ZNF461: variants seen among roughly 807,000 people sequenced by gnomAD.
ZNF461 encodes the protein gonadotropin-inducible ovarian transcription factor-1.
Under a neutral mutation model 18.3 loss-of-function variants are expected in ZNF461, and 16 were observed. That is an observed-to-expected ratio of 0.88 (90% confidence interval 0.59 to 1.33). ZNF461 has a LOEUF of 1.33. ZNF461 is among the 40% of genes most tolerant of loss of function. ZNF461 has a pLI of 0.00. For synonymous variants in ZNF461, 179 were observed against 216.9 expected (o/e 0.83, Z 1.54); for missense variants, 595 against 669.9 (o/e 0.89, Z 1.23).
intron 4 of ZNF461, among the ~76,000 whole-genome samples, chr19:36,649,338 G>GT (rs56108428): frequency 2.6e-5 from 4 of 151,490 alleles, no homozygotes; most frequent in South Asian, 2.1e-4. Context: ...ATTTATTTAT[G>GT]TTTTTTTTTG....
chr19:36,636,917 T>C lies in ZNF461; in HGVS notation c.*1736A>G, dbSNP rs936455679. 6.6e-6 allele frequency among the ~76,000 whole-genome samples: 1 copy of C among 152,170 alleles called. No homozygotes were observed. The highest frequency in any genetic ancestry group is 2.4e-5 in the African/African-American group (1 of 41,446). ...TTCCAATGCTTCAAAGGAGTGTCTT[T>C]CTCCTTGAGCACAGTGTTTATAGAT... On this transcript the variant is annotated 3_prime_UTR_variant, in exon 6 of 6. Coordinates refer to ENST00000588268, the MANE Select transcript of ZNF461 (RefSeq NM_153257.5).
chr19:36,652,658 C>A (rs1309684838), intron 4 of ZNF461, among the ~76,000 whole-genome samples: 1 of 151,882 alleles, frequency 6.6e-6, no homozygotes, highest in East Asian at 1.9e-4. Context: ...TAAACTAGAC[C>A]TCATCAAAAT....
intron 2 of ZNF461, among the ~76,000 whole-genome samples, chr19:36,661,330 G>C (rs1292153295): frequency 6.6e-6 from 1 of 150,666 alleles, no homozygotes; most frequent in Admixed American, 6.6e-5. Flanking sequence ...TATACCTGAA[G>C]TGTTCTAAAA....
chr19:36,642,770 T>G (rs1421304343), intron 5 of ZNF461, among the ~76,000 whole-genome samples: 353 of 100,286 alleles, frequency 3.5e-3, no homozygotes, highest in Admixed American at 9.7e-3. Context: ...TGGGGGGGGG[T>G]GGGGCACAGA....
rs369464461 is a variant in ZNF461 at position 36,639,698 on chromosome 19, T to C, written c.647A>G (p.Lys216Arg). 1.9e-6 allele frequency: 3 copies of C among 1,613,736 alleles called. No individual in the cohort carries two copies. The highest frequency in any genetic ancestry group is 1.3e-5 in the African/African-American group (1 of 74,950). ...FFSHHKRTHSKELSECKECTE... is the reference protein window; with the variant it reads ...FFSHHKRTHSRELSECKECTE... ...GCATTCTTTACATTCAGAAAGTTCT[T>C]TAGAATGAGTTCTTTTGTGGTGACT... Residue 216 changes from lysine to arginine, a missense_variant, in exon 6 of 6, where the codon AAA (lysine) becomes AGA (arginine). Physicochemically the swap from Lys to Arg is conservative, Grantham distance 26 (BLOSUM62 2). Transcript: ENST00000588268.
intron 2 of ZNF461, 50 bp downstream of exon 2, chr19:36,664,648 C>CA: frequency 1.4e-6 from 2 of 1,425,880 alleles, no homozygotes; most frequent in Non-Finnish European, 1.9e-6. Context: ...CAAAAACAAA[C>CA]AAACAAAAAA....
In ZNF461 at chr19:36,664,726, T is replaced by C. The variant is rs1322930387; in HGVS notation, c.-20A>G. 1 of 1,489,524 alleles carries C rather than the reference T, an allele frequency of 6.7e-7. No individual in the cohort carries two copies. Among genetic ancestry groups the C allele is most frequent in the Non-Finnish European group, 8.9e-7 (1 of 1,123,446 alleles). The allele number at this position is 1,489,524 out of a possible 1,614,324, so 92.3% of individuals were successfully genotyped here. Reference sequence around the variant, plus strand: ...GGCCATGTCTTATTTTAGAATTGAATGTATTATTTAATCCTCTTCTTCGTT... The same window carrying C: ...GGCCATGTCTTATTTTAGAATTGAACGTATTATTTAATCCTCTTCTTCGTT... On this transcript the variant is annotated 5_prime_UTR_variant, in exon 2 of 6. Coordinates refer to ENST00000588268, the MANE Select transcript of ZNF461 (RefSeq NM_153257.5).
In ZNF461 at chr19:36,638,591, G is replaced by T; in HGVS notation, c.*62C>A. The T allele has an allele frequency of 2.4e-6, 3 of 1,239,728 alleles. No homozygotes were observed. The highest frequency in any genetic ancestry group is 2.4e-4 in the Middle Eastern group (1 of 4,246). The allele number at this position is 1,239,728 out of a possible 1,614,324, so 76.8% of individuals were successfully genotyped here. On this transcript the variant is annotated 3_prime_UTR_variant, in exon 6 of 6. Transcript: ENST00000588268. The stretch of plus-strand genomic sequence containing the variant: ...TAAATAAATAAATACTAATGAAACT[G>T]GTGGCTTACCAACTTTTTCCTTAAA...
intron 3 of ZNF461, chr19:36,657,842 TGC>T (rs2037751300): frequency 6.5e-6 from 1 of 152,978 alleles, no homozygotes; most frequent in African/African-American, 2.4e-5. Flanking sequence ...AATGGAGTGG[TGC>T]TCATTTGAGA....
chr19:36,642,220 C>T (rs1305710992), intron 5 of ZNF461, among the ~76,000 whole-genome samples: 2 of 152,136 alleles, frequency 1.3e-5, no homozygotes, highest in Non-Finnish European at 2.9e-5. Context: ...GCACGAGCCA[C>T]CACACCAGAC....
At chr19:36,641,376 G>A (rs1293298941) in intron 5 of ZNF461, among the ~76,000 whole-genome samples, 1 of 151,736 alleles carries the variant, frequency 6.6e-6, no homozygotes. Context: ...AAAATTAGCT[G>A]GACGTGGTGG....
rs368031187 is a variant in ZNF461 at position 36,639,163 on chromosome 19, A to G, written c.1182T>C (p.Phe394=). ...PYECRECGKA[F]SYHSSFSHHQ... is the part of the protein sequence containing the mutation. The stretch of plus-strand genomic sequence containing the variant: ...GGTGTGAGAAGCTTGAGTGATAGCT[A>G]AAGGCCTTCCCACATTCCCGACATT... Residue 394 remains phenylalanine (F), a synonymous_variant, in exon 6 of 6, where the codon TTT becomes TTC. Transcript: ENST00000588268. The G allele has an allele frequency of 2.2e-5, 35 of 1,613,980 alleles. No individual in the cohort carries two copies. The African/African-American group carries it at 3.7e-4, about 17-fold the overall frequency.
At chr19:36,664,120 C>A (rs1424293219) in intron 2 of ZNF461, among the ~76,000 whole-genome samples, 1 of 152,084 alleles carries the variant, frequency 6.6e-6, no homozygotes, top group Non-Finnish European at 1.5e-5. Context: ...TGTGTTCTCT[C>A]CTTGTGTCTG....
In ZNF461 at chr19:36,638,795, C is replaced by A. The variant is rs1482300162; in HGVS notation, c.1550G>T (p.Arg517Ile). ...SYHSSFSHHQ[R>I]IHSGKKPYQC... ...ATAAGGTTTCTTTCCAGAATGAATT[C>A]TCTGATGGTGTGAGAAGCTTGAATG... Residue 517 changes from arginine (R) to isoleucine (I), a missense_variant, in exon 6 of 6, where the codon AGA (arginine) becomes ATA (isoleucine). Transcript: ENST00000588268. 1.9e-6 allele frequency: 3 copies of A among 1,614,126 alleles called. No homozygotes were observed. The highest frequency in any genetic ancestry group is 2.5e-6 in the Non-Finnish European group (3 of 1,180,022).
chr19:36,640,127 G>T, intron 5 of ZNF461, 84 bp from the exon 6 acceptor site: 3 of 1,166,470 alleles, frequency 2.6e-6, no homozygotes, highest in Admixed American at 2.7e-5. Context: ...AGAGATAACT[G>T]CAAATAATTC....
chr19:36,658,265 A>T, intron 3 of ZNF461, 34 bp downstream of exon 3: 1 of 1,577,548 alleles, frequency 6.3e-7, no homozygotes. Context: ...CGGAATTCTG[A>T]ATTGTCAGGT....
chr19:36,660,852 A>G (rs2037806600), intron 2 of ZNF461, among the ~76,000 whole-genome samples: 1 of 152,176 alleles, frequency 6.6e-6, no homozygotes, highest in Non-Finnish European at 1.5e-5. Context: ...TAGAAATAGT[A>G]AACATAGGGG....
intron 4 of ZNF461, among the ~76,000 whole-genome samples, chr19:36,656,052 C>T (rs1324653589): frequency 1.4e-5 from 2 of 140,910 alleles, no homozygotes; most frequent in African/African-American, 2.6e-5. Flanking sequence ...GGCGGGAGTG[C>T]TGTGGCGCGA....
At chr19:36,643,556 G>A (rs767376642) in intron 5 of ZNF461, 3 of 274,422 alleles carry the variant, frequency 1.1e-5, no homozygotes, top group South Asian at 2.2e-4. Context: ...TACTAATTCC[G>A]AGACATTTGC....
Sources: gnomAD v4.1 joint callset for allele counts (sites outside exome capture counted in the v4.1 genomes callset) on GRCh38, gnomAD v4.1.1 for gene constraint, MANE v1.5 for transcripts, NCBI Gene and HGNC (gene_info 2026-07-23, HGNC 2026-07-21) for gene names.